The following OPRK1 variants were observed in gnomAD, a reference collection of about 807,000 sequenced individuals.
The protein encoded by OPRK1 is kappa-type opioid receptor.
A neutral mutation model predicts 24.5 loss-of-function variants in OPRK1; 15 were observed. That is an observed-to-expected ratio of 0.61 (90% CI 0.41 to 0.94). The LOEUF (loss-of-function observed/expected upper bound fraction) is 0.94. Ranked by LOEUF, OPRK1 falls within the 40% of genes least tolerant of loss-of-function variation. OPRK1 has a pLI of 0.00. For synonymous variants in OPRK1, 205 were observed against 198.0 expected (o/e 1.04, Z -0.30); for missense variants, 479 against 507.3 (o/e 0.94, Z 0.54).
intron 1 of OPRK1, 145 bp from the exon 2 acceptor site, chr8:53,251,230 G>A: frequency 1.1e-6 from 1 of 882,052 alleles, no homozygotes; most frequent in Non-Finnish European, 1.6e-6. Context: ...ACTTCTCGCT[G>A]CCTTTCCGGC....
At position 53,229,675 on chromosome 8, in the gene OPRK1, G is replaced by A. The variant is rs139043596; in HGVS notation, c.765C>T (p.Ser255=). 5.1e-4 allele frequency: 818 copies of A among 1,614,118 alleles called. 4 individuals are homozygous for A. The Middle Eastern group carries it at 7.4e-3, about 15-fold the overall frequency. Residue 255 remains serine (S), a synonymous_variant, in exon 4 of 4, where the codon AGC becomes AGT. Coordinates refer to ENST00000265572, the MANE Select transcript of OPRK1 (RefSeq NM_000912.5). The stretch of plus-strand genomic sequence containing the variant: ...CTCGGGAGCCAGAAAGGAGCCGGAC[G>A]CTCTTGAGACGCAGGATCATCAGGG... The part of the protein sequence containing the change: ...CYTLMILRLK[S]VRLLSGSREK...
chr8:53,243,969 T>C (rs1390760177), intron 2 of OPRK1, among the ~76,000 whole-genome samples: 2 of 152,194 alleles, frequency 1.3e-5, no homozygotes, highest in African/African-American at 2.4e-5. Flanking sequence ...AGGTAGGCTA[T>C]GTTGACACTT....
intron 1 of OPRK1, 72 bp from the exon 2 acceptor site, chr8:53,251,157 G>A (rs1489446722): frequency 5.0e-6 from 7 of 1,386,958 alleles, no homozygotes; most frequent in Non-Finnish European, 6.5e-6. Context: ...CGGCGCTGGG[G>A]ACCCGGAGCC....
rs1806702046 is a variant in OPRK1, at chr8:53,226,791, T to A, written c.*2506A>T. 1 of 152,232 alleles carries A rather than the reference T, an allele frequency of 6.6e-6. No homozygotes were observed. The highest frequency in any genetic ancestry group is 6.5e-5 in the Admixed American group (1 of 15,286). The allele number at this position is 152,232 out of a possible 1,614,324, so 9.4% of individuals were successfully genotyped here. ...AATGATATTCCCTTCTTCACTCCTTTTTCAATGTTGGGGAGTCGATATTAA... is the reference window on the plus strand; with the variant it reads ...AATGATATTCCCTTCTTCACTCCTTATTCAATGTTGGGGAGTCGATATTAA... On this transcript the variant is annotated 3_prime_UTR_variant, in exon 4 of 4. Transcript: ENST00000265572.
At chr8:53,234,239 T>A (rs1431767818) in intron 3 of OPRK1, among the ~76,000 whole-genome samples, 1 of 148,082 alleles carries the variant, frequency 6.8e-6, no homozygotes, top group Non-Finnish European at 1.5e-5. Flanking sequence ...AAACCTGATA[T>A]GTCCAAAATC....
At chr8:53,245,243 T>A (rs1807202737) in intron 2 of OPRK1, among the ~76,000 whole-genome samples, 1 of 152,096 alleles carries the variant, frequency 6.6e-6, no homozygotes, top group South Asian at 2.1e-4. Flanking sequence ...ATAATTAAGG[T>A]AAATGAGGCC....
chr8:53,234,394 C>T (rs962219896), intron 3 of OPRK1, among the ~76,000 whole-genome samples: 8 of 151,900 alleles, frequency 5.3e-5, no homozygotes, highest in Non-Finnish European at 1.0e-4. Context: ...AATTTATATC[C>T]CTTGTTAAAG....
Position 53,229,289 on chromosome 8 carries a change from A to G in OPRK1, c.*8T>C, listed in dbSNP as rs201759204. 52 of 1,608,008 alleles carry G rather than the reference A, an allele frequency of 3.2e-5. No homozygotes were observed. The highest frequency in any genetic ancestry group is 4.3e-5 in the Non-Finnish European group (50 of 1,176,148). On this transcript the variant is annotated 3_prime_UTR_variant, in exon 4 of 4. Coordinates refer to ENST00000265572, the MANE Select transcript of OPRK1 (RefSeq NM_000912.5). ...CGAAGAACTGTACGAAGACATCTCCACGACTAGTCATACTGGTTTATTCAT... is the reference window on the plus strand; with the variant it reads ...CGAAGAACTGTACGAAGACATCTCCGCGACTAGTCATACTGGTTTATTCAT...
At chr8:53,230,725 A>G (rs1237293951) in intron 3 of OPRK1, among the ~76,000 whole-genome samples, 1 of 152,100 alleles carries the variant, frequency 6.6e-6, no homozygotes. Flanking sequence ...ACCTTTCCCC[A>G]AACACCAGCT....
At chr8:53,237,972 C>T (rs147718893) in intron 2 of OPRK1, among the ~76,000 whole-genome samples, 52 of 152,256 alleles carry the variant, frequency 3.4e-4, no homozygotes, top group Admixed American at 1.6e-3. Flanking sequence ...AAACCTACAA[C>T]ACTAGAAGGG....
chr8:53,229,170 G>A lies in OPRK1; in HGVS notation c.*127C>T. On this transcript the variant is annotated 3_prime_UTR_variant, in exon 4 of 4. Transcript: ENST00000265572. The stretch of plus-strand genomic sequence containing the variant: ...TCTGCATCTGATGACTTCAGACCAT[G>A]AGATCTCTAAAAGTTTATTTTAAAT... 5 of 1,179,540 alleles carry A rather than the reference G, an allele frequency of 4.2e-6. No individual in the cohort carries two copies. Among genetic ancestry groups the A allele is most frequent in the Non-Finnish European group, 4.7e-6 (4 of 856,748 alleles). The allele number at this position is 1,179,540 out of a possible 1,614,324, so 73.1% of individuals were successfully genotyped here.
chr8:53,235,667 G>A (rs1162336320), intron 2 of OPRK1, among the ~76,000 whole-genome samples: 1 of 152,096 alleles, frequency 6.6e-6, no homozygotes, highest in Non-Finnish European at 1.5e-5. Context: ...CCATTAATTT[G>A]TCATTTTAAA....
intron 2 of OPRK1, among the ~76,000 whole-genome samples, chr8:53,239,687 C>G (rs1230799960): frequency 6.6e-6 from 1 of 152,198 alleles, no homozygotes; most frequent in Non-Finnish European, 1.5e-5. Flanking sequence ...TTACTTAGCA[C>G]CAGACTGGTA....
At chr8:53,236,175 A>G (rs1806991684) in intron 2 of OPRK1, among the ~76,000 whole-genome samples, 2 of 152,246 alleles carry the variant, frequency 1.3e-5, no homozygotes, top group South Asian at 4.1e-4. Flanking sequence ...ATAGAACAGA[A>G]CAGCTCTTGC....
rs942729110 is a variant in OPRK1, at chr8:53,229,091, G to C, written c.*206C>G. 5 of 552,308 alleles carry C rather than the reference G, an allele frequency of 9.1e-6. No homozygotes were observed. Among genetic ancestry groups the C allele is most frequent in the Non-Finnish European group, 1.3e-5 (4 of 315,520 alleles). The allele number at this position is 552,308 out of a possible 1,614,324, so 34.2% of individuals were successfully genotyped here. ...CGCTTCTGTGCCCTAGAGAAGAGGT[G>C]CATGTGTTGCGTGGACCTTTTGTCC... On this transcript the variant is annotated 3_prime_UTR_variant, in exon 4 of 4. Transcript: ENST00000265572.
rs1056297057 is a variant in OPRK1, at chr8:53,228,048, T to A, written c.*1249A>T. 2.6e-5 allele frequency: 4 copies of A among 152,182 alleles called. No individual in the cohort carries two copies. The highest frequency in any genetic ancestry group is 9.7e-5 in the African/African-American group (4 of 41,440). 9.4% of individuals were successfully genotyped at this position (152,182 alleles called of 1,614,324 possible). ...CCTAAATGTGCTGCTCCTGGCATTA[T>A]CCTCAGCAGGTATGCCCTTCACAGA... On this transcript the variant is annotated 3_prime_UTR_variant, in exon 4 of 4. Coordinates refer to ENST00000265572, the MANE Select transcript of OPRK1 (RefSeq NM_000912.5).
chr8:53,238,330 G>A (rs1004379357), intron 2 of OPRK1, among the ~76,000 whole-genome samples: 2 of 152,230 alleles, frequency 1.3e-5, no homozygotes, highest in African/African-American at 4.8e-5. Context: ...TCTGGCTTGT[G>A]TGGAGGAGCT....
chr8:53,225,942 G>C lies in OPRK1; in HGVS notation c.*3355C>G, dbSNP rs917550984. On this transcript the variant is annotated 3_prime_UTR_variant, in exon 4 of 4. Transcript: ENST00000265572. ...GTATTTATACTGAATCATCCGAACA[G>C]CTCTTGGTTAGAAAATAAATCTCAT... 2 of 152,212 alleles carry C rather than the reference G, an allele frequency of 1.3e-5. No homozygotes were observed. Among genetic ancestry groups the C allele is most frequent in the Admixed American group, 6.5e-5 (1 of 15,274 alleles). 9.4% of individuals were successfully genotyped at this position (152,212 alleles called of 1,614,324 possible).
chr8:53,247,550 G>A (rs1758769917), intron 2 of OPRK1, among the ~76,000 whole-genome samples: 1 of 152,178 alleles, frequency 6.6e-6, no homozygotes, highest in Admixed American at 6.5e-5. Flanking sequence ...GTTGTGGTAA[G>A]AGTGGCAGAA....
Sources: allele counts gnomAD v4.1 joint callset (sites outside exome capture counted in the v4.1 genomes callset), GRCh38; gene constraint gnomAD v4.1.1; transcripts MANE v1.5; gene names NCBI Gene and HGNC (gene_info 2026-07-23, HGNC 2026-07-21).